GPCPD1: variants seen among roughly 807,000 people sequenced by gnomAD.
GPCPD1 encodes the protein glycerophosphocholine phosphodiesterase 1.
GPCPD1 carries 29 observed loss-of-function variants against 89.2 expected under a neutral mutation model. The ratio of observed to expected loss-of-function variants is 0.33; its 90% CI spans 0.24 to 0.44. The LOEUF is 0.44. GPCPD1 is among the 20% of genes least tolerant of loss of function. The pLI, the probability that GPCPD1 is intolerant of heterozygous loss-of-function variation, is 1.00. For synonymous variants in GPCPD1, 258 were observed against 266.3 expected (o/e 0.97, Z 0.30); for missense variants, 594 against 808.9 (o/e 0.73, Z 3.22).
At chr20:5,595,976 T>C (rs1468610013) in intron 3 of GPCPD1, among the ~76,000 whole-genome samples, 7 of 152,120 alleles carry the variant, frequency 4.6e-5, no homozygotes, top group African/African-American at 1.7e-4. Context: ...TCTAGGTATG[T>C]GTATTTTTTT....
At chr20:5,599,561 T>A (rs1164273242) in intron 2 of GPCPD1, among the ~76,000 whole-genome samples, 2 of 152,084 alleles carry the variant, frequency 1.3e-5, no homozygotes, top group Non-Finnish European at 2.9e-5. Context: ...ATCTAGTACT[T>A]CTTGGTTTTT....
intron 11 of GPCPD1, 81 bp from the exon 12 acceptor site, chr20:5,570,320 G>C: frequency 1.8e-6 from 1 of 558,464 alleles, no homozygotes. Context: ...AGAAATTTTT[G>C]TTCACTATAA....
At chr20:5,554,476 T>C (rs945729009) in intron 19 of GPCPD1, among the ~76,000 whole-genome samples, 7 of 152,196 alleles carry the variant, frequency 4.6e-5, no homozygotes, top group Non-Finnish European at 7.3e-5. Context: ...CTGGAAATTG[T>C]AGGGCCCTTC....
chr20:5,575,362 A>G lies in GPCPD1; in HGVS notation c.1001+51T>C, dbSNP rs146503073. ...TTGCTGAGAAAACCAGTGTAACTCTACCGAACATAAGCTACACCAAATGCT... is the reference window on the plus strand; with the variant it reads ...TTGCTGAGAAAACCAGTGTAACTCTGCCGAACATAAGCTACACCAAATGCT... On this transcript the variant is annotated intron_variant, in intron 10 of 19. Transcript: ENST00000379019. The G allele has an allele frequency of 5.5e-5, 74 of 1,338,612 alleles. No individual in the cohort carries two copies. In the African/African-American group the frequency reaches 7.4e-4, roughly 13 times the overall value. 82.9% of individuals were successfully genotyped at this position (1,338,612 alleles called of 1,614,324 possible).
At chr20:5,554,224 T>TGA (rs1985614664) in intron 19 of GPCPD1, among the ~76,000 whole-genome samples, 1 of 87,510 alleles carries the variant, frequency 1.1e-5, no homozygotes, top group Non-Finnish European at 2.3e-5. Flanking sequence ...GACCTTGTGA[T>TGA]CCGCTCACCT....
intron 6 of GPCPD1, among the ~76,000 whole-genome samples, chr20:5,582,143 G>A (rs1255158046): frequency 2.6e-5 from 3 of 116,414 alleles, no homozygotes; most frequent in East Asian, 6.0e-4. Context: ...CCGAGATCGC[G>A]CCACTGCACT....
At chr20:5,563,865 T>C (rs1214977920) in intron 15 of GPCPD1, among the ~76,000 whole-genome samples, 1 of 152,144 alleles carries the variant, frequency 6.6e-6, no homozygotes, top group East Asian at 1.9e-4. Flanking sequence ...TATGGTCACT[T>C]CTCTCCTTTC....
At chr20:5,583,556 G>T (rs1157553677) in intron 6 of GPCPD1, among the ~76,000 whole-genome samples, 1 of 152,128 alleles carries the variant, frequency 6.6e-6, no homozygotes, top group Non-Finnish European at 1.5e-5. Flanking sequence ...AGTCACTGAA[G>T]AAAATTAGAA....
At chr20:5,590,233 A>G (rs764135303) in intron 4 of GPCPD1, among the ~76,000 whole-genome samples, 2 of 152,106 alleles carry the variant, frequency 1.3e-5, no homozygotes, top group African/African-American at 2.4e-5. Flanking sequence ...AACAAACTGA[A>G]TGTAAAAGGG....
At chr20:5,587,544 T>C (rs1032526604) in intron 4 of GPCPD1, among the ~76,000 whole-genome samples, 3 of 152,086 alleles carry the variant, frequency 2.0e-5, no homozygotes, top group Non-Finnish European at 4.4e-5. Flanking sequence ...ATTTTTGTAT[T>C]TTTAGTAGAG....
intron 19 of GPCPD1, among the ~76,000 whole-genome samples, chr20:5,549,869 G>A (rs913702407): frequency 4.0e-5 from 6 of 151,878 alleles, no homozygotes; most frequent in African/African-American, 1.2e-4. Flanking sequence ...GATAGTTCTT[G>A]GAAATTAAAG....
chr20:5,587,345 C>A (rs1978992799), intron 4 of GPCPD1, among the ~76,000 whole-genome samples: 1 of 151,880 alleles, frequency 6.6e-6, no homozygotes, highest in Non-Finnish European at 1.5e-5. Flanking sequence ...AATCTTTGAG[C>A]CCTTTTCTAG....
intron 19 of GPCPD1, among the ~76,000 whole-genome samples, chr20:5,554,401 T>G (rs1985628098): frequency 6.6e-6 from 1 of 152,124 alleles, no homozygotes; most frequent in African/African-American, 2.4e-5. Flanking sequence ...ACAGGCTGCT[T>G]CTCTTGTTAG....
chr20:5,593,722 C>G (rs932098123), intron 3 of GPCPD1, among the ~76,000 whole-genome samples: 1 of 152,178 alleles, frequency 6.6e-6, no homozygotes, highest in Non-Finnish European at 1.5e-5. Flanking sequence ...GAAGCGCTGT[C>G]TGAGCTCAGG....
chr20:5,607,707 C>T (rs183688619), intron 1 of GPCPD1, among the ~76,000 whole-genome samples: 21 of 151,894 alleles, frequency 1.4e-4, no homozygotes, highest in Admixed American at 9.2e-4. Flanking sequence ...GCCTATAATC[C>T]GAGCACTTTG....
At position 5,575,917 on chromosome 20, in the gene GPCPD1, C is replaced by T. The variant is rs1490591594; in HGVS notation, c.767G>A (p.Cys256Tyr). The change falls in exon 9 of 20, where the codon TGT (cysteine) becomes TAT (tyrosine). Residue 256 changes from cysteine to tyrosine, a missense_variant. Coordinates refer to ENST00000379019, the MANE Select transcript of GPCPD1 (RefSeq NM_019593.5). ...CTCAGCAATGGTGGATGATAAGAGACAAGCTGTACCCACATGTCCAGGAAG... is the reference window on the plus strand; with the variant it reads ...CTCAGCAATGGTGGATGATAAGAGATAAGCTGTACCCACATGTCCAGGAAG... ...DALPGHVGTACLLSSTIAESG... is the reference protein window; with the variant it reads ...DALPGHVGTAYLLSSTIAESG... 1.7e-5 allele frequency: 27 copies of T among 1,604,524 alleles called. No homozygotes were observed. The highest frequency in any genetic ancestry group is 2.1e-5 in the Non-Finnish European group (25 of 1,171,602).
At chr20:5,571,842 G>A (rs1986741228) in intron 11 of GPCPD1, among the ~76,000 whole-genome samples, 1 of 151,968 alleles carries the variant, frequency 6.6e-6, no homozygotes. Context: ...CTAGGAGGTG[G>A]AGGTTGCAGT....
intron 14 of GPCPD1, among the ~76,000 whole-genome samples, chr20:5,566,052 T>A (rs1387854380): frequency 6.6e-6 from 1 of 152,210 alleles, no homozygotes; most frequent in African/African-American, 2.4e-5. Context: ...TAGTTACGTT[T>A]ATGCTCTGGG....
intron 10 of GPCPD1, among the ~76,000 whole-genome samples, chr20:5,574,352 G>A (rs1978285061): frequency 1.3e-5 from 2 of 152,172 alleles, no homozygotes; most frequent in South Asian, 4.1e-4. Context: ...CAGACTGTGG[G>A]GGAATGAGAA....
Sources: gnomAD v4.1 joint callset for allele counts (sites outside exome capture counted in the v4.1 genomes callset) on GRCh38, gnomAD v4.1.1 for gene constraint, MANE v1.5 for transcripts, NCBI Gene and HGNC (gene_info 2026-07-23, HGNC 2026-07-21) for gene names.